The following XRN2 variants were observed in gnomAD, a reference collection of about 807,000 sequenced individuals.
The protein encoded by XRN2 is 5'-3' exoribonuclease 2, also known as DHM1-like protein.
Under a neutral mutation model 138.5 loss-of-function variants are expected in XRN2, and 44 were observed. The observed-to-expected ratio is 0.32, with a 90% CI of 0.25 to 0.41. XRN2 has a LOEUF of 0.41. Among genes scored for constraint, XRN2 ranks in the 10% least tolerant of loss-of-function variants. The pLI is 1.00. For missense variants in XRN2, 937 were observed against 1,169.3 expected, an observed-to-expected ratio of 0.80 and a Z score of 2.90; for synonymous variants, 354 against 369.4, an observed-to-expected ratio of 0.96 and a Z score of 0.48.
chr20:21,329,397 G>A (rs2038171807), intron 4 of XRN2, among the ~76,000 whole-genome samples: 1 of 152,176 alleles, frequency 6.6e-6, no homozygotes. Context: ...TAGCAGGTTT[G>A]TTTGGTGTTC....
chr20:21,346,765 C>G (rs971287599), intron 17 of XRN2, among the ~76,000 whole-genome samples: 1 of 151,916 alleles, frequency 6.6e-6, no homozygotes, highest in Non-Finnish European at 1.5e-5. Context: ...GATTACAGAG[C>G]GCACCACCAC....
chr20:21,340,188 G>A (rs1315263154), intron 14 of XRN2, among the ~76,000 whole-genome samples: 1 of 152,058 alleles, frequency 6.6e-6, no homozygotes, highest in African/African-American at 2.4e-5. Flanking sequence ...CCAGCTACTC[G>A]GGAGGCTGAG....
intron 24 of XRN2, among the ~76,000 whole-genome samples, chr20:21,364,645 A>G (rs1183638408): frequency 1.3e-5 from 2 of 152,114 alleles, no homozygotes; most frequent in African/African-American, 4.8e-5. Flanking sequence ...CATCTCTACA[A>G]AAAATACAAA....
chr20:21,305,438 A>G (rs967304801), intron 1 of XRN2, among the ~76,000 whole-genome samples: 5 of 150,408 alleles, frequency 3.3e-5, no homozygotes, highest in African/African-American at 1.2e-4. Flanking sequence ...TTTTTTTAGT[A>G]GAGACGGAGT....
At chr20:21,339,313 G>A (rs1326668650) in intron 14 of XRN2, among the ~76,000 whole-genome samples, 1 of 152,168 alleles carries the variant, frequency 6.6e-6, no homozygotes, top group Non-Finnish European at 1.5e-5. Flanking sequence ...TGAGAGGTGG[G>A]TGGCAGTTAG....
chr20:21,329,195 T>C (rs1163875986), intron 4 of XRN2, among the ~76,000 whole-genome samples: 2 of 152,198 alleles, frequency 1.3e-5, no homozygotes, highest in South Asian at 2.1e-4. Flanking sequence ...ACAGTACTTA[T>C]GGTTCCTTCA....
At chr20:21,316,563 G>A (rs1220818130) in intron 1 of XRN2, among the ~76,000 whole-genome samples, 1 of 152,144 alleles carries the variant, frequency 6.6e-6, no homozygotes, top group East Asian at 1.9e-4. Flanking sequence ...CCCATTAAAT[G>A]ATCTTGACAC....
At chr20:21,364,939 C>T (rs970545794) in intron 24 of XRN2, among the ~76,000 whole-genome samples, 14 of 151,956 alleles carry the variant, frequency 9.2e-5, no homozygotes, top group African/African-American at 3.4e-4. Context: ...AAGTCCATCC[C>T]CCCCGCACCA....
chr20:21,330,805 A>T (rs1363601459), intron 6 of XRN2, 100 bp downstream of exon 6: 9 of 1,117,366 alleles, frequency 8.1e-6, no homozygotes, highest in Non-Finnish European at 1.1e-5. Flanking sequence ...CTGCCCCATA[A>T]AATGCTAGTT....
chr20:21,333,771 A>T lies in XRN2; in HGVS notation c.1001A>T (p.Asp334Val). 6.2e-7 allele frequency: 1 copy of T among 1,614,110 alleles called. No individual in the cohort carries two copies. Among genetic ancestry groups the T allele is most frequent in the Non-Finnish European group, 8.5e-7 (1 of 1,180,004 alleles). The change falls in exon 11 of 30, where the codon GAC becomes GTC. Residue 334 changes from aspartate (D) to valine (V), a missense_variant. By Grantham distance (152) the Asp-to-Val change is radical. This residue lies in a region of XRN2 where 471 missense variants were observed against 581.2 expected (regional missense o/e 0.81). Transcript: ENST00000377191. Reference protein sequence around the residue: ...FTFDVERSIDDWVFMCFFVGN... With the variant: ...FTFDVERSIDVWVFMCFFVGN... ...TTTGATGTTGAGAGGAGCATTGATG[A>T]CTGGGTTTTCATGTGCTTCTTTGTG...
chr20:21,349,943 G>T (rs2038485063), intron 20 of XRN2, among the ~76,000 whole-genome samples: 1 of 152,072 alleles, frequency 6.6e-6, no homozygotes, highest in Admixed American at 6.5e-5. Context: ...TAATTAATGG[G>T]GCTTGTTACA....
chr20:21,318,356 C>G (rs560267017), intron 1 of XRN2, among the ~76,000 whole-genome samples: 14 of 151,918 alleles, frequency 9.2e-5, no homozygotes, highest in Non-Finnish European at 1.8e-4. Context: ...TTTTGTTGAC[C>G]TTTTTAAACA....
At chr20:21,384,939 T>G (rs990183064) in intron 28 of XRN2, among the ~76,000 whole-genome samples, 1 of 152,170 alleles carries the variant, frequency 6.6e-6, no homozygotes, top group African/African-American at 2.4e-5. Flanking sequence ...TTGTTGAAAA[T>G]AAAGGCCTTT....
intron 16 of XRN2, 145 bp from the exon 17 acceptor site, chr20:21,346,269 TA>T: frequency 9.5e-7 from 1 of 1,049,714 alleles, no homozygotes; most frequent in Non-Finnish European, 1.4e-6. Context: ...TAGAAATAGT[TA>T]AATGAATCTG....
rs568974238 is a variant in XRN2, at chr20:21,379,520, T to C, written c.2585-2474T>C. Among the ~76,000 whole-genome samples, 5 of 152,196 alleles carry C rather than the reference T, an allele frequency of 3.3e-5. No homozygotes were observed. The South Asian group carries it at 1.0e-3, about 31-fold the overall frequency. On this transcript the variant is annotated intron_variant, in intron 27 of 29. Coordinates refer to ENST00000377191, the MANE Select transcript of XRN2 (RefSeq NM_012255.5). The stretch of plus-strand genomic sequence containing the variant: ...GAGTTTATTGAAAGTTTTGGAAAAT[T>C]TGCTTAGGTTTTAACAAAAAACTGT...
At chr20:21,379,138 G>A (rs900652510) in intron 27 of XRN2, among the ~76,000 whole-genome samples, 11 of 152,186 alleles carry the variant, frequency 7.2e-5, no homozygotes, top group African/African-American at 2.7e-4. Flanking sequence ...TATTGGCGAA[G>A]CTTGGTTTAC....
intron 1 of XRN2, among the ~76,000 whole-genome samples, chr20:21,304,877 A>G (rs572320909): frequency 6.6e-6 from 1 of 152,346 alleles, no homozygotes; most frequent in Non-Finnish European, 1.5e-5. Context: ...GTGGGCATCC[A>G]AAATTAAATG....
At chr20:21,352,639 G>A (rs914372934) in intron 20 of XRN2, among the ~76,000 whole-genome samples, 1 of 151,902 alleles carries the variant, frequency 6.6e-6, no homozygotes, top group African/African-American at 2.4e-5. Context: ...CCCAACACAC[G>A]TAATTTAAAA....
At chr20:21,314,405 A>G (rs1568566507) in intron 1 of XRN2, among the ~76,000 whole-genome samples, 1 of 152,126 alleles carries the variant, frequency 6.6e-6, no homozygotes, top group Non-Finnish European at 1.5e-5. Flanking sequence ...CATTCATGTT[A>G]TGTTTCTATG....
Sources: gnomAD v4.1 joint callset for allele counts (sites outside exome capture counted in the v4.1 genomes callset) on GRCh38, gnomAD v4.1.1 for gene constraint, gnomAD v4.1.1 regional missense constraint, MANE v1.5 for transcripts, NCBI Gene and HGNC (gene_info 2026-07-23, HGNC 2026-07-21) for gene names.